ITGA11: variants seen among roughly 807,000 people sequenced by gnomAD.
The protein encoded by ITGA11 is integrin alpha-11.
In ITGA11, 97 loss-of-function variants were observed where a neutral mutation model predicts 141.9. The ratio of observed to expected loss-of-function variants is 0.68; its 90% CI spans 0.58 to 0.81. ITGA11 has a LOEUF of 0.81. Ranked by LOEUF, ITGA11 falls within the 30% of genes least tolerant of loss-of-function variation. The probability of loss-of-function intolerance (pLI) is 0.00; values close to 1 mark genes in which losing one functional copy is unlikely to be tolerated. For synonymous variants in ITGA11, 658 were observed against 624.6 expected (o/e 1.05, Z -0.80); for missense variants, 1,387 against 1,559.2 (o/e 0.89, Z 1.86).
chr15:68,332,354 A>T lies in ITGA11; in HGVS notation c.1550T>A (p.Val517Asp), dbSNP rs769700453. The part of the protein sequence containing the change: ...NEGRERGKVY[V>D]YELRQNLFVY... ...CAGCTGTACCTGTCTCAGCTCATAG[A>T]CGTACACCTTGCCTCGCTCACGGCC... The change falls in exon 13 of 30, where the codon GTC (valine) becomes GAC (aspartate). Residue 517 changes from valine to aspartate, a missense_variant. Val to Asp is a radical substitution (Grantham distance 152). Coordinates refer to ENST00000315757, the MANE Select transcript of ITGA11 (RefSeq NM_001004439.2). 5.6e-6 allele frequency: 9 copies of T among 1,607,070 alleles called. 1 individual carries two copies. The South Asian group carries it at 1.0e-4, about 18-fold the overall frequency.
chr15:68,361,346 A>T (rs909041917), intron 5 of ITGA11, among the ~76,000 whole-genome samples: 1 of 152,070 alleles, frequency 6.6e-6, no homozygotes, highest in South Asian at 2.1e-4. Context: ...TGAGGCTGGG[A>T]TTGTCTTTGA....
intron 2 of ITGA11, among the ~76,000 whole-genome samples, chr15:68,398,945 G>A (rs1020022176): frequency 6.6e-6 from 1 of 151,530 alleles, no homozygotes. Context: ...ATACATGTTA[G>A]TGGATTAGAA....
intron 2 of ITGA11, among the ~76,000 whole-genome samples, chr15:68,371,575 G>A (rs761260792): frequency 2.6e-5 from 4 of 152,038 alleles, no homozygotes; most frequent in Admixed American, 6.5e-5. Flanking sequence ...AAAAGTAGCT[G>A]GGCGTGGTGG....
Position 68,326,195 on chromosome 15 carries a change from T to C in ITGA11, c.2211+459A>G, listed in dbSNP as rs113255937. 2.8e-4 allele frequency among the ~76,000 whole-genome samples: 42 copies of C among 152,336 alleles called. No homozygotes were observed. The highest frequency in any genetic ancestry group is 8.4e-4 in the African/African-American group (35 of 41,570). On this transcript the variant is annotated intron_variant, in intron 17 of 29. Transcript: ENST00000315757. The surrounding 1 kb of genome is among the most constrained non-coding windows in gnomAD (Gnocchi z 6.8). ...GGATGGAAGTAAACCTCTCATTCTC[T>C]TCCTTAGCTATAAAATGGGGCACCA... is the stretch of plus-strand genomic sequence containing the variant.
Position 68,326,568 on chromosome 15 carries a change from C to T in ITGA11, c.2211+86G>A. 1 of 1,436,992 alleles carries T rather than the reference C, an allele frequency of 7.0e-7. No homozygotes were observed. Among genetic ancestry groups the T allele is most frequent in the Non-Finnish European group, 9.3e-7 (1 of 1,074,004 alleles). 89.0% of individuals were successfully genotyped at this position (1,436,992 alleles called of 1,614,324 possible). ...CCTGAGGTCTGCTGGGGGCTTAGAA[C>T]CAGCCAGGCAGACTCTCTGCCTCTC... On this transcript the variant is annotated intron_variant, in intron 17 of 29. Coordinates refer to ENST00000315757, the MANE Select transcript of ITGA11 (RefSeq NM_001004439.2). The surrounding 1 kb of genome is among the most constrained non-coding windows in gnomAD (Gnocchi z 6.8).
chr15:68,407,134 G>C (rs1312183390), intron 1 of ITGA11, among the ~76,000 whole-genome samples: 2 of 152,146 alleles, frequency 1.3e-5, no homozygotes, highest in Non-Finnish European at 2.9e-5. Flanking sequence ...CTGCCTTTGG[G>C]TTCCAGCAGG....
At chr15:68,346,397 C>G (rs773589757) in intron 10 of ITGA11, among the ~76,000 whole-genome samples, 21 of 152,176 alleles carry the variant, frequency 1.4e-4, no homozygotes, top group Non-Finnish European at 3.1e-4. Flanking sequence ...TAATGTCCTC[C>G]TCTTTTTAGA....
chr15:68,319,034 G>A (rs961978250), intron 20 of ITGA11, among the ~76,000 whole-genome samples: 1 of 152,250 alleles, frequency 6.6e-6, no homozygotes, highest in African/African-American at 2.4e-5. Context: ...GGAGACTGAT[G>A]TTTCTTCAGA....
chr15:68,367,252 T>C (rs1802534004), intron 3 of ITGA11, among the ~76,000 whole-genome samples: 1 of 152,052 alleles, frequency 6.6e-6, no homozygotes, highest in Non-Finnish European at 1.5e-5. Context: ...AAAAAAAAGA[T>C]TGGTTCACGA....
chr15:68,314,754 T>G (rs1262574058), intron 22 of ITGA11, among the ~76,000 whole-genome samples: 1 of 152,216 alleles, frequency 6.6e-6, no homozygotes, highest in African/African-American at 2.4e-5. Flanking sequence ...TGTGTGAGAA[T>G]TCTACCAGGA....
intron 1 of ITGA11, among the ~76,000 whole-genome samples, chr15:68,412,060 C>T (rs1896783149): frequency 6.6e-6 from 1 of 152,018 alleles, no homozygotes. Context: ...CAGCTGACCC[C>T]AGATATGTGA....
intron 7 of ITGA11, among the ~76,000 whole-genome samples, chr15:68,354,741 G>A (rs760298430): frequency 6.6e-6 from 1 of 152,094 alleles, no homozygotes; most frequent in Non-Finnish European, 1.5e-5. Context: ...CATCCTCACC[G>A]AGTTAGGGTT....
intron 10 of ITGA11, among the ~76,000 whole-genome samples, chr15:68,344,253 C>A (rs1383475189): frequency 6.6e-6 from 1 of 152,092 alleles, no homozygotes; most frequent in Non-Finnish European, 1.5e-5. Context: ...GCCCGCCCAG[C>A]CTGGCAGGTG....
chr15:68,345,531 G>A (rs78410185), intron 10 of ITGA11, among the ~76,000 whole-genome samples: 2,534 of 152,234 alleles, frequency 0.017, 62 homozygotes, highest in African/African-American at 0.058. Flanking sequence ...TCATTAAGAC[G>A]GCAGCAAACC....
At chr15:68,339,742 A>T in intron 10 of ITGA11, 98 bp from the exon 11 acceptor site, 1 of 1,365,468 alleles carries the variant, frequency 7.3e-7, no homozygotes, top group African/African-American at 1.4e-5. Context: ...TCCACCAGCC[A>T]CCTCGGGCAC....
chr15:68,391,936 C>G (rs1308626112), intron 2 of ITGA11, among the ~76,000 whole-genome samples: 1 of 152,158 alleles, frequency 6.6e-6, no homozygotes, highest in Non-Finnish European at 1.5e-5. Flanking sequence ...AATTTTTAAC[C>G]TTTCATACCA....
chr15:68,392,768 A>C (rs1896150666), intron 2 of ITGA11, among the ~76,000 whole-genome samples: 1 of 152,188 alleles, frequency 6.6e-6, no homozygotes, highest in East Asian at 1.9e-4. Context: ...ACCCCAGAAA[A>C]TCTATGCTCT....
At chr15:68,323,924 G>A (rs540799295) in intron 18 of ITGA11, among the ~76,000 whole-genome samples, 9 of 152,232 alleles carry the variant, frequency 5.9e-5, no homozygotes, top group South Asian at 2.1e-4. Flanking sequence ...GGAGATCGTC[G>A]GTGTCAGAGC....
At chr15:68,306,795 G>A (rs772233326) in intron 28 of ITGA11, among the ~76,000 whole-genome samples, 16 of 152,248 alleles carry the variant, frequency 1.1e-4, no homozygotes, top group Non-Finnish European at 1.8e-4. Flanking sequence ...TAATAGGAAT[G>A]TTTGCCTGGA....
Sources: allele counts gnomAD v4.1 joint callset (sites outside exome capture counted in the v4.1 genomes callset), GRCh38; gene constraint gnomAD v4.1.1; non-coding constraint Gnocchi (gnomAD v3.1); transcripts MANE v1.5; gene names NCBI Gene and HGNC (gene_info 2026-07-23, HGNC 2026-07-21).